The following UBE3B variants were observed in gnomAD, a reference collection of about 807,000 sequenced individuals.
UBE3B encodes the protein ubiquitin protein ligase E3B.
Under a neutral mutation model 132.3 loss-of-function variants are expected in UBE3B, and 80 were observed. The ratio of observed to expected loss-of-function variants is 0.60; its 90% confidence interval spans 0.50 to 0.73. The LOEUF is 0.73. UBE3B is among the 30% of genes least tolerant of loss of function. The pLI is 0.00. For synonymous variants in UBE3B, 487 were observed against 520.4 expected (o/e 0.94, Z 0.87); for missense variants, 1,196 against 1,362.5 (o/e 0.88, Z 1.92).
intron 15 of UBE3B, 50 bp from the exon 16 acceptor site, chr12:109,509,546 C>A: frequency 7.6e-7 from 1 of 1,309,308 alleles, no homozygotes; most frequent in Non-Finnish European, 1.1e-6. Context: ...TTTTTTTTCT[C>A]TTCGCCTTTT....
intron 23 of UBE3B, among the ~76,000 whole-genome samples, chr12:109,525,722 G>A (rs1478275145): frequency 3.3e-5 from 5 of 151,856 alleles, no homozygotes; most frequent in Admixed American, 6.6e-5. Flanking sequence ...TTTTTCTCCC[G>A]ACTATAAAGA....
At chr12:109,515,409 G>C (rs1045708623) in intron 18 of UBE3B, among the ~76,000 whole-genome samples, 22 of 151,554 alleles carry the variant, frequency 1.5e-4, no homozygotes, top group African/African-American at 5.1e-4. Context: ...CACTCTTGTT[G>C]CCCAGGCTGG....
intron 8 of UBE3B, chr12:109,490,599 A>T: frequency 6.5e-7 from 1 of 1,535,758 alleles, no homozygotes; most frequent in Non-Finnish European, 8.7e-7. Context: ...CGCTAGAGGA[A>T]CCTTCTACTT....
At chr12:109,541,560 T>C (rs529268725), downstream of UBE3B, among the ~76,000 whole-genome samples, 35 of 152,156 alleles carry the variant, frequency 2.3e-4, 1 homozygote, top group Non-Finnish European at 4.6e-4. Context: ...CAGGGTGGAG[T>C]ATTGGGTCAG....
At chr12:109,507,026 G>T (rs760858025) in intron 14 of UBE3B, among the ~76,000 whole-genome samples, 1 of 152,210 alleles carries the variant, frequency 6.6e-6, no homozygotes, top group Non-Finnish European at 1.5e-5. Flanking sequence ...TCTGAACCTC[G>T]TCTGGTTCTG....
In UBE3B at chr12:109,535,641, T is replaced by C. The variant is rs1024386353; in HGVS notation, c.*859T>C. The C allele has an allele frequency of 1.3e-5, 2 of 152,182 alleles. No individual in the cohort carries two copies. Among genetic ancestry groups the C allele is most frequent in the Admixed American group, 1.3e-4 (2 of 15,270 alleles). The allele number at this position is 152,182 out of a possible 1,614,324, so 9.4% of individuals were successfully genotyped here. A position where few individuals can be genotyped will look rare whatever the true frequency, so the allele number is the denominator to read the frequency against. On this transcript the variant is annotated 3_prime_UTR_variant, in exon 28 of 28. Transcript: ENST00000342494. ...GACCCTGCTTATTTGTCTCACTGGT[T>C]ATCTAATGAGGAACAAACACTAACC... is the stretch of plus-strand genomic sequence containing the variant.
At chr12:109,489,241 A>G (rs1007170011) in intron 7 of UBE3B, among the ~76,000 whole-genome samples, 1 of 152,240 alleles carries the variant, frequency 6.6e-6, no homozygotes, top group Non-Finnish European at 1.5e-5. Context: ...GAAAACAGGC[A>G]TTAAATAGAT....
intron 2 of UBE3B, among the ~76,000 whole-genome samples, chr12:109,482,110 C>T (rs1875560371): frequency 6.6e-6 from 1 of 151,986 alleles, no homozygotes; most frequent in African/African-American, 2.4e-5. Flanking sequence ...TTATTAAATG[C>T]CTTTCAATAA....
At chr12:109,495,443 G>C (rs1393875478) in intron 9 of UBE3B, among the ~76,000 whole-genome samples, 1 of 152,076 alleles carries the variant, frequency 6.6e-6, no homozygotes, top group Non-Finnish European at 1.5e-5. Context: ...ACCATTCCCT[G>C]GCATTTAGTA....
rs747175384 is a variant in UBE3B, at chr12:109,511,277, A to C, written c.1930A>C (p.Ile644Leu). 3.1e-6 allele frequency: 5 copies of C among 1,614,036 alleles called. No individual in the cohort carries two copies. The highest frequency in any genetic ancestry group is 4.2e-6 in the Non-Finnish European group (5 of 1,180,010). ...RKRAQLILQY[I>L]PHVIPHKNRV... ...ACGGGCACAGTTGATCCTGCAGTAC[A>C]TCCCACATGTCATCCCTCACAAAAA... is the stretch of plus-strand genomic sequence containing the variant. The change falls in exon 18 of 28, where the codon ATC becomes CTC. Residue 644 changes from isoleucine (I) to leucine (L), a missense_variant. Transcript: ENST00000342494.
At chr12:109,530,864 C>T (rs1882870441) in intron 26 of UBE3B, among the ~76,000 whole-genome samples, 2 of 152,192 alleles carry the variant, frequency 1.3e-5, no homozygotes, top group South Asian at 4.1e-4. Context: ...GCTGTGTGTC[C>T]CTGGCTGCAG....
intron 23 of UBE3B, among the ~76,000 whole-genome samples, chr12:109,525,175 G>A (rs1269224320): frequency 6.6e-6 from 1 of 152,166 alleles, no homozygotes; most frequent in Non-Finnish European, 1.5e-5. Flanking sequence ...TGCCAGATGC[G>A]AGTCCTGGAT....
At chr12:109,531,251 TG>T (rs894040814) in intron 26 of UBE3B, among the ~76,000 whole-genome samples, 5 of 152,318 alleles carry the variant, frequency 3.3e-5, no homozygotes, top group Non-Finnish European at 5.9e-5. Context: ...TCCCCAGTTA[TG>T]GTGTCTGTAA....
chr12:109,490,281 CAG>C (rs1877233763), intron 8 of UBE3B: 1 of 1,152,024 alleles, frequency 8.7e-7, no homozygotes, highest in African/African-American at 1.5e-5. Flanking sequence ...AAGGAGACCT[CAG>C]GGCTTGTTCC....
chr12:109,488,468 A>G, intron 6 of UBE3B, 104 bp from the exon 7 acceptor site: 1 of 1,000,738 alleles, frequency 1.0e-6, no homozygotes. Context: ...ATCCTGACTC[A>G]GTGATTCCAG....
intron 14 of UBE3B, among the ~76,000 whole-genome samples, chr12:109,504,199 T>A (rs1479384234): frequency 1.3e-5 from 2 of 152,232 alleles, no homozygotes; most frequent in African/African-American, 4.8e-5. Context: ...CATGAGGGGC[T>A]GTCTTGTGTG....
At chr12:109,508,104 G>A (rs537547506) in intron 15 of UBE3B, among the ~76,000 whole-genome samples, 1 of 152,322 alleles carries the variant, frequency 6.6e-6, no homozygotes, top group African/African-American at 2.4e-5. Context: ...AGCAGATCTT[G>A]AGACACCCTG....
At chr12:109,484,945 T>G (rs1876159386) in intron 4 of UBE3B, among the ~76,000 whole-genome samples, 1 of 149,034 alleles carries the variant, frequency 6.7e-6, no homozygotes, top group East Asian at 2.0e-4. Context: ...TTTGTAGAGA[T>G]AGGGTTTTAC....
At chr12:109,520,179 T>C (rs970837523) in intron 19 of UBE3B, 2 of 152,258 alleles carry the variant, frequency 1.3e-5, no homozygotes, top group Non-Finnish European at 2.9e-5. Context: ...CAGTTTCACC[T>C]GGTGATTGGG....
Sources: allele counts gnomAD v4.1 joint callset (sites outside exome capture counted in the v4.1 genomes callset), GRCh38; gene constraint gnomAD v4.1.1; transcripts MANE v1.5; gene names NCBI Gene and HGNC (gene_info 2026-07-23, HGNC 2026-07-21).